Variants in CRTAC1 observed in about 807,000 individuals in gnomAD.
CRTAC1 encodes acidic secreted protein in cartilage.
Under a neutral mutation model 67.8 loss-of-function variants are expected in CRTAC1, and 37 were observed. The observed-to-expected ratio is 0.55, with a 90% CI of 0.42 to 0.72. CRTAC1 has a LOEUF of 0.72. CRTAC1 is among the 30% of genes least tolerant of loss of function. The pLI is 0.00. For missense variants in CRTAC1, 780 were observed against 931.6 expected, an observed-to-expected ratio of 0.84 and a Z score of 2.12; for synonymous variants, 348 against 371.0, an observed-to-expected ratio of 0.94 and a Z score of 0.71.
At chr10:97,875,144 C>T (rs2050132778) in intron 14 of CRTAC1, among the ~76,000 whole-genome samples, 1 of 152,230 alleles carries the variant, frequency 6.6e-6, no homozygotes, top group Admixed American at 6.5e-5. Flanking sequence ...AGAACCCAGG[C>T]TTTGGAGCTA....
At chr10:97,908,304 T>C (rs1023533928) in intron 5 of CRTAC1, among the ~76,000 whole-genome samples, 157 bp from the exon 6 acceptor site, 2 of 152,124 alleles carry the variant, frequency 1.3e-5, no homozygotes, top group Non-Finnish European at 2.9e-5. Flanking sequence ...AGCCTAAATC[T>C]GGGCTCATGG....
chr10:97,892,325 A>T (rs1243740614), intron 11 of CRTAC1, among the ~76,000 whole-genome samples: 1 of 152,204 alleles, frequency 6.6e-6, no homozygotes, highest in Non-Finnish European at 1.5e-5. Context: ...TGCCCTTGCC[A>T]TTGATTTGCG....
rs545567375 is a variant in CRTAC1, at chr10:97,881,825, A to G, written c.1675+961T>C. 1.4e-4 allele frequency among the ~76,000 whole-genome samples: 21 copies of G among 151,898 alleles called. 1 individual carries two copies. In the South Asian group the frequency reaches 4.2e-3, roughly 30 times the overall value. ...TCAGACAGTGCCCCCCACCAGAACC[A>G]TGTCTCCCCTCTCTGTGACTGCCGA... On this transcript the variant is annotated intron_variant, in intron 13 of 14. Transcript: ENST00000370597.
intron 5 of CRTAC1, among the ~76,000 whole-genome samples, chr10:97,915,756 G>A (rs746507402): frequency 1.8e-4 from 28 of 152,258 alleles, no homozygotes; most frequent in Admixed American, 9.1e-4. Context: ...GAGAAGGCGC[G>A]CAGACAGAAT....
At chr10:97,883,697 T>C (rs553251716) in intron 12 of CRTAC1, among the ~76,000 whole-genome samples, 8 of 152,332 alleles carry the variant, frequency 5.3e-5, no homozygotes, top group Admixed American at 3.9e-4. Flanking sequence ...TGGGTTCCTG[T>C]TAATCGCCAC....
chr10:97,953,728 T>C (rs2051396920), intron 2 of CRTAC1, among the ~76,000 whole-genome samples: 1 of 152,236 alleles, frequency 6.6e-6, no homozygotes, highest in Non-Finnish European at 1.5e-5. Flanking sequence ...GTCACACCAC[T>C]GGAAAATGTA....
chr10:97,969,576 G>A (rs2051674698), intron 2 of CRTAC1, among the ~76,000 whole-genome samples: 1 of 152,134 alleles, frequency 6.6e-6, no homozygotes, highest in African/African-American at 2.4e-5. Flanking sequence ...TGTAACCATG[G>A]AAATCTGAGA....
chr10:97,964,043 TG>T (rs1335606986), intron 2 of CRTAC1, among the ~76,000 whole-genome samples: 1 of 152,222 alleles, frequency 6.6e-6, no homozygotes, highest in Non-Finnish European at 1.5e-5. Context: ...CTCCACAGTT[TG>T]GCTTGTGCTG....
At chr10:97,870,160 TTTAA>T (rs58858224) in intron 14 of CRTAC1, 15,246 of 152,130 alleles carry the variant, frequency 0.1, 1,322 homozygotes, top group African/African-American at 0.23. Flanking sequence ...GAGATTCTGA[TTTAA>T]TTGTTTTGGG....
intron 1 of CRTAC1, among the ~76,000 whole-genome samples, chr10:98,028,775 G>A (rs1002363323): frequency 2.6e-5 from 4 of 152,140 alleles, no homozygotes; most frequent in Non-Finnish European, 5.9e-5. Context: ...CTGGGGGTTG[G>A]GATATAGATT....
At chr10:97,912,549 G>A (rs115814966) in intron 5 of CRTAC1, among the ~76,000 whole-genome samples, 2,543 of 120,774 alleles carry the variant, frequency 0.021, 62 homozygotes, top group African/African-American at 0.062. Context: ...AGTACAAGTC[G>A]GGTGCAGACA....
rs118097290 is a variant in CRTAC1 at position 97,872,700 on chromosome 10, G to A, written c.1820-6986C>T. Among the ~76,000 whole-genome samples, 832 of 152,286 alleles carry A rather than the reference G, an allele frequency of 5.5e-3. 3 individuals carry two copies. Among genetic ancestry groups the A allele is most frequent in the Non-Finnish European group, 7.4e-3 (506 of 68,018 alleles). Reference sequence around the variant, plus strand: ...GATGACTGATAGATCAGAGATGAGCGAGAGGCCTGCCTGGCTTGAGATGGA... The same window carrying A: ...GATGACTGATAGATCAGAGATGAGCAAGAGGCCTGCCTGGCTTGAGATGGA... On this transcript the variant is annotated intron_variant, in intron 14 of 14. Coordinates refer to ENST00000370597, the MANE Select transcript of CRTAC1 (RefSeq NM_018058.7).
chr10:98,007,242 G>C (rs183455816), intron 2 of CRTAC1, among the ~76,000 whole-genome samples: 21 of 152,270 alleles, frequency 1.4e-4, no homozygotes, highest in Admixed American at 1.2e-3. Flanking sequence ...AAAGTAAATG[G>C]AGCCTCCGAA....
chr10:97,999,709 G>A (rs541865435), intron 2 of CRTAC1, among the ~76,000 whole-genome samples: 1 of 152,336 alleles, frequency 6.6e-6, no homozygotes, highest in African/African-American at 2.4e-5. Context: ...ACAGGAGTGG[G>A]AACTTGTGGT....
rs1351877657 is a variant in CRTAC1 at position 97,936,333 on chromosome 10, G to A, written c.258C>T (p.Asp86=). The change falls in exon 3 of 15, where the codon GAC becomes GAT. Residue 86 remains aspartate, a synonymous_variant. Transcript: ENST00000370597. ...TGTTCACCAGCCGCTTCTGGGCCCG[G>A]TCATACTTCAGAACCAGGTTGGGTC... The part of the protein sequence containing the change: ...YNGPNLVLKY[D]RAQKRLVNIA... 1 of 1,612,688 alleles carries A rather than the reference G, an allele frequency of 6.2e-7. No homozygotes were observed. Among genetic ancestry groups the A allele is most frequent in the South Asian group, 1.1e-5 (1 of 90,944 alleles).
chr10:97,900,829 T>A (rs377578109), intron 8 of CRTAC1, among the ~76,000 whole-genome samples: 3 of 66,934 alleles, frequency 4.5e-5, no homozygotes, highest in East Asian at 4.8e-4. Flanking sequence ...GATTGGACCC[T>A]GTAGCCCCTT....
intron 13 of CRTAC1, among the ~76,000 whole-genome samples, chr10:97,880,822 G>A (rs1247535297): frequency 6.6e-6 from 1 of 151,928 alleles, no homozygotes; most frequent in African/African-American, 2.4e-5. Context: ...CCATATTCTG[G>A]CCCTCTGTTC....
intron 3 of CRTAC1, among the ~76,000 whole-genome samples, chr10:97,934,638 G>C (rs555868327): frequency 7.9e-5 from 12 of 152,282 alleles, no homozygotes; most frequent in African/African-American, 2.6e-4. Context: ...GTCAGGGTGG[G>C]GAGCGGAGCA....
Position 97,994,071 on chromosome 10 carries a change from G to T in CRTAC1, c.224+17067C>A, listed in dbSNP as rs570087105. Among the ~76,000 whole-genome samples the T allele has an allele frequency of 3.3e-5, 5 of 152,182 alleles. No homozygotes were observed. In the East Asian group the frequency reaches 5.8e-4, roughly 18 times the overall value. On this transcript the variant is annotated intron_variant, in intron 2 of 14. Transcript: ENST00000370597. ...GGGGTTTCACCGTGCTGGCCAGGCT[G>T]GTCTTGAAGTCCTAACCTCAAGTGA...
Sources: allele counts gnomAD v4.1 joint callset (sites outside exome capture counted in the v4.1 genomes callset), GRCh38; gene constraint gnomAD v4.1.1; transcripts MANE v1.5; gene names NCBI Gene and HGNC (gene_info 2026-07-23, HGNC 2026-07-21).